Variants in RETREG1 observed in about 807,000 individuals in gnomAD.
RETREG1 encodes the protein family with sequence similarity 134 member B.
Under a neutral mutation model 54.8 loss-of-function variants are expected in RETREG1, and 44 were observed. The observed-to-expected ratio is 0.80, with a 90% CI of 0.63 to 1.03. The LOEUF is 1.03. RETREG1 is among the 50% of genes least tolerant of loss of function. The probability of loss-of-function intolerance (pLI) is 0.00; values close to 1 mark genes in which losing one functional copy is unlikely to be tolerated. For synonymous variants in RETREG1, 217 were observed against 238.5 expected (o/e 0.91, Z 0.83); for missense variants, 554 against 605.1 (o/e 0.92, Z 0.89).
intron 3 of RETREG1, among the ~76,000 whole-genome samples, chr5:16,530,610 C>T (rs1204437000): frequency 1.3e-5 from 2 of 152,198 alleles, no homozygotes; most frequent in Admixed American, 6.5e-5. Flanking sequence ...CAGTGACTCA[C>T]GCCTGTAATC....
At chr5:16,494,204 G>A (rs1739358805) in intron 3 of RETREG1, among the ~76,000 whole-genome samples, 4 of 152,124 alleles carry the variant, frequency 2.6e-5, no homozygotes, top group Admixed American at 2.6e-4. Context: ...CAGATTTTGA[G>A]AATAAGCTAT....
At position 16,505,781 on chromosome 5, in the gene RETREG1, C is replaced by T. The variant is rs146001794; in HGVS notation, c.459-22309G>A. 8.7e-3 allele frequency among the ~76,000 whole-genome samples: 1,318 copies of T among 152,314 alleles called. 14 individuals carry two copies. Among genetic ancestry groups the T allele is most frequent in the South Asian group, 0.014 (68 of 4,830 alleles). On this transcript the variant is annotated intron_variant, in intron 3 of 8. Coordinates refer to ENST00000306320, the MANE Select transcript of RETREG1 (RefSeq NM_001034850.3). Reference sequence around the variant, plus strand: ...CAGAGCCAGGCCTCTGGCCAGGGTACACGTTTCCTCCTATTTCTTGACCCT... The same window carrying T: ...CAGAGCCAGGCCTCTGGCCAGGGTATACGTTTCCTCCTATTTCTTGACCCT...
intron 3 of RETREG1, among the ~76,000 whole-genome samples, chr5:16,546,228 C>CA: frequency 6.6e-6 from 1 of 152,156 alleles, no homozygotes; most frequent in Middle Eastern, 3.4e-3. Flanking sequence ...AGTACACTGA[C>CA]ATAAACACAG....
intron 1 of RETREG1, among the ~76,000 whole-genome samples, chr5:16,578,261 TTAA>T (rs1742389567): frequency 6.6e-6 from 1 of 152,064 alleles, no homozygotes; most frequent in Non-Finnish European, 1.5e-5. Flanking sequence ...AACTAATCAC[TTAA>T]TAAAGCAATC....
At chr5:16,502,937 G>A (rs1171933331) in intron 3 of RETREG1, among the ~76,000 whole-genome samples, 1 of 152,218 alleles carries the variant, frequency 6.6e-6, no homozygotes, top group Non-Finnish European at 1.5e-5. Flanking sequence ...ATAAGGGTAA[G>A]CCCACACAAT....
At position 16,563,384 on chromosome 5, in the gene RETREG1, A is replaced by G. The variant is rs556449556; in HGVS notation, c.458+2379T>C. On this transcript the variant is annotated intron_variant, in intron 3 of 8. Transcript: ENST00000306320. Reference sequence around the variant, plus strand: ...GAGATTCTCCCACCTCAGCCTCCCAAGTAGCTCAATTTACATGCATGCGCC... The same window carrying G: ...GAGATTCTCCCACCTCAGCCTCCCAGGTAGCTCAATTTACATGCATGCGCC... 1.8e-4 allele frequency among the ~76,000 whole-genome samples: 28 copies of G among 152,198 alleles called. 1 individual carries two copies. The South Asian group carries it at 5.8e-3, about 32-fold the overall frequency.
At chr5:16,567,832 G>C (rs928204254) in intron 2 of RETREG1, among the ~76,000 whole-genome samples, 6 of 152,076 alleles carry the variant, frequency 3.9e-5, no homozygotes, top group African/African-American at 1.4e-4. Flanking sequence ...GTGGTGGCAT[G>C]CACCTGTAGT....
At position 16,481,112 on chromosome 5, in the gene RETREG1, A is replaced by G; in HGVS notation, c.586-19T>C. On this transcript the variant is annotated intron_variant, in intron 4 of 8. Transcript: ENST00000306320. ...GACAAAACTGGAAATAATAGAAATA[A>G]CATGGGATAGTTAAGCATAACACCA... The G allele has an allele frequency of 6.4e-7, 1 of 1,554,750 alleles. No homozygotes were observed. Among genetic ancestry groups the G allele is most frequent in the Non-Finnish European group, 8.9e-7 (1 of 1,127,396 alleles).
At chr5:16,538,272 G>A (rs1049725773) in intron 3 of RETREG1, among the ~76,000 whole-genome samples, 3 of 152,136 alleles carry the variant, frequency 2.0e-5, no homozygotes, top group Non-Finnish European at 4.4e-5. Flanking sequence ...GACAAAAGGC[G>A]CCCGTGATGT....
chr5:16,489,082 CAAAAAAAAAAAAAAAAAA>C lies in RETREG1; in HGVS notation c.459-5628_459-5611del, dbSNP rs567475517. Among the ~76,000 whole-genome samples the C allele has an allele frequency of 6.0e-4, 38 of 62,980 alleles. No individual in the cohort carries two copies. The East Asian group carries it at 0.015, about 25-fold the overall frequency. 41.3% of individuals were successfully genotyped at this position (62,980 alleles called of 152,430 possible). A position where few individuals can be genotyped will look rare whatever the true frequency, so the allele number is the denominator to read the frequency against. On this transcript the variant is annotated intron_variant, in intron 3 of 8. Coordinates refer to ENST00000306320, the MANE Select transcript of RETREG1 (RefSeq NM_001034850.3). ...TGGGCAACAGAGCGAGATTCTGTCTCAAAAAAAAAAAAAAAAAAAAAAAAAAAAAAAAAGCAGACCTTA... is the reference window on the plus strand; with the variant it reads ...TGGGCAACAGAGCGAGATTCTGTCTCAAAAAAAAAAAAAAAGCAGACCTTA...
At chr5:16,536,274 C>A (rs1741070573) in intron 3 of RETREG1, among the ~76,000 whole-genome samples, 1 of 152,198 alleles carries the variant, frequency 6.6e-6, no homozygotes, top group Admixed American at 6.5e-5. Context: ...AGAAAGAACG[C>A]TGCCTCTTCC....
intron 3 of RETREG1, among the ~76,000 whole-genome samples, chr5:16,501,539 TTTTA>T (rs957883653): frequency 7.9e-5 from 12 of 152,272 alleles, no homozygotes; most frequent in African/African-American, 2.6e-4. Context: ...ATTTTTTTAT[TTTTA>T]TTTATTTATT....
At chr5:16,540,628 A>T (rs1009158677) in intron 3 of RETREG1, among the ~76,000 whole-genome samples, 2 of 152,202 alleles carry the variant, frequency 1.3e-5, no homozygotes, top group African/African-American at 4.8e-5. Context: ...GACAGGAAGG[A>T]GCAAGAGAAC....
At chr5:16,589,332 A>G (rs1742697582) in intron 1 of RETREG1, among the ~76,000 whole-genome samples, 1 of 151,242 alleles carries the variant, frequency 6.6e-6, no homozygotes, top group African/African-American at 2.4e-5. Context: ...TTTTTTTTCA[A>G]AAAGGAGTTT....
chr5:16,485,276 G>T (rs1738971247), intron 3 of RETREG1, among the ~76,000 whole-genome samples: 1 of 152,048 alleles, frequency 6.6e-6, no homozygotes, highest in Non-Finnish European at 1.5e-5. Flanking sequence ...ATTATTTAAG[G>T]ATGCATTTGA....
At chr5:16,608,212 T>C (rs1238955316) in intron 1 of RETREG1, among the ~76,000 whole-genome samples, 1 of 152,128 alleles carries the variant, frequency 6.6e-6, no homozygotes, top group East Asian at 1.9e-4. Flanking sequence ...CCCCACCTTA[T>C]TCACCATAGG....
intron 3 of RETREG1, among the ~76,000 whole-genome samples, chr5:16,487,240 C>T (rs1449287185): frequency 2.0e-5 from 3 of 152,186 alleles, no homozygotes; most frequent in Non-Finnish European, 2.9e-5. Context: ...TTACCAGTAG[C>T]TTTATTAATA....
At chr5:16,484,087 T>C (rs1432867171) in intron 3 of RETREG1, among the ~76,000 whole-genome samples, 5 of 152,084 alleles carry the variant, frequency 3.3e-5, no homozygotes, top group Non-Finnish European at 7.4e-5. Context: ...TATAGAAAAT[T>C]GTTAAAAAGA....
intron 6 of RETREG1, 105 bp from the exon 7 acceptor site, chr5:16,478,203 T>G: frequency 1.4e-6 from 1 of 706,430 alleles, no homozygotes; most frequent in Non-Finnish European, 2.5e-6. Context: ...ATTCTCCAAA[T>G]ACAAATATAT....
Sources: gnomAD v4.1 joint callset for allele counts (sites outside exome capture counted in the v4.1 genomes callset) on GRCh38, gnomAD v4.1.1 for gene constraint, MANE v1.5 for transcripts, NCBI Gene and HGNC (gene_info 2026-07-23, HGNC 2026-07-21) for gene names.